The following UGT1A9 variants were observed in gnomAD, a reference collection of about 807,000 sequenced individuals.
UGT1A9 encodes UDP glucuronosyltransferase family 1 member A9.
In UGT1A9, 35 loss-of-function variants were observed where a neutral mutation model predicts 45.0. The ratio of observed to expected loss-of-function variants is 0.78; its 90% confidence interval spans 0.59 to 1.03. UGT1A9 has a LOEUF of 1.03. UGT1A9 is among the 50% of genes least tolerant of loss of function. The probability of loss-of-function intolerance (pLI) is 0.00; values close to 1 mark genes in which losing one functional copy is unlikely to be tolerated. For synonymous variants in UGT1A9, 278 were observed against 250.6 expected, an observed-to-expected ratio of 1.11 and a Z score of -1.03; for missense variants, 687 against 666.6, an observed-to-expected ratio of 1.03 and a Z score of -0.34.
chr2:233,711,548 T>C (rs532543764), intron 1 of UGT1A9, among the ~76,000 whole-genome samples: 27 of 152,192 alleles, frequency 1.8e-4, no homozygotes, highest in Non-Finnish European at 3.4e-4. Context: ...CATCCTCCCC[T>C]GGAGAGTTCC....
Position 233,769,407 on chromosome 2 carries a change from G to C in UGT1A9, c.1295+968G>C. The C allele has an allele frequency of 7.8e-7, 1 of 1,286,632 alleles. No individual in the cohort carries two copies. The highest frequency in any genetic ancestry group is 1.1e-6 in the Non-Finnish European group (1 of 907,224). The allele number at this position is 1,286,632 out of a possible 1,614,324, so 79.7% of individuals were successfully genotyped here. ...ATAGATACTGTGTGCATATGTGCGT[G>C]TGCGTTTGTGCATGTGGCTGTGCTC... On this transcript the variant is annotated intron_variant, in intron 4 of 4. Transcript: ENST00000354728. The surrounding 1 kb of genome is among the most constrained non-coding windows in gnomAD (Gnocchi z 4.4).
intron 1 of UGT1A9, chr2:233,689,841 A>C (rs531695215): frequency 2.2e-6 from 1 of 453,890 alleles, no homozygotes; most frequent in African/African-American, 2.0e-5. Flanking sequence ...ACTTTCTTGG[A>C]TATTGTTTTA....
At chr2:233,713,888 G>A in intron 1 of UGT1A9, 1 of 1,613,420 alleles carries the variant, frequency 6.2e-7, no homozygotes, top group Non-Finnish European at 8.5e-7. Context: ...TCCAATCAAT[G>A]TTCCAGGCAA....
At chr2:233,747,932 G>C in intron 1 of UGT1A9, 1 of 1,613,428 alleles carries the variant, frequency 6.2e-7, no homozygotes, top group Non-Finnish European at 8.5e-7. Flanking sequence ...AGCTTTTTCA[G>C]AGGGAGGTGT....
chr2:233,719,252 T>G (rs2076741853), intron 1 of UGT1A9: 2 of 1,614,040 alleles, frequency 1.2e-6, no homozygotes, highest in Non-Finnish European at 1.7e-6. Flanking sequence ...TGAATGCTAC[T>G]TCCTTTGATG....
chr2:233,766,614 C>T (rs1699203096), intron 1 of UGT1A9, among the ~76,000 whole-genome samples: 1 of 152,184 alleles, frequency 6.6e-6, no homozygotes, highest in Non-Finnish European at 1.5e-5. Context: ...CCCTCTTCTA[C>T]CCAGCACTTC....
chr2:233,743,766 C>G (rs750440547), intron 1 of UGT1A9: 10 of 1,367,368 alleles, frequency 7.3e-6, no homozygotes, highest in Non-Finnish European at 9.8e-6. Flanking sequence ...TCGTAGGCCT[C>G]GGCCACCTGC....
rs558234193 is a variant in UGT1A9 at position 233,719,553 on chromosome 2, G to C, written c.855+46764G>C. 7.4e-6 allele frequency: 12 copies of C among 1,613,960 alleles called. No homozygotes were observed. In the South Asian group the frequency reaches 1.2e-4, roughly 16 times the overall value. On this transcript the variant is annotated intron_variant, in intron 1 of 4. Coordinates refer to ENST00000354728, the MANE Select transcript of UGT1A9 (RefSeq NM_021027.3). ...TGAGCTTTTTCAGAGAGAGGTGTCA[G>C]TGGTGGATCTTGTCAGCTATGCATC...
At chr2:233,762,544 T>C (rs755070967) in intron 1 of UGT1A9, among the ~76,000 whole-genome samples, 100 of 152,370 alleles carry the variant, frequency 6.6e-4, no homozygotes, top group Middle Eastern at 6.8e-3. Flanking sequence ...TACCACAGTG[T>C]ATTCTGCTGG....
intron 1 of UGT1A9, chr2:233,718,070 C>G (rs2076625886): frequency 2.9e-6 from 1 of 346,404 alleles, no homozygotes; most frequent in Non-Finnish European, 5.7e-6. Flanking sequence ...TGGGTCCTTG[C>G]TAGGGTTGTC....
chr2:233,706,580 A>T (rs903868789), intron 1 of UGT1A9, among the ~76,000 whole-genome samples: 5 of 152,102 alleles, frequency 3.3e-5, no homozygotes, highest in African/African-American at 1.2e-4. Context: ...AAGAGTGGAG[A>T]TGGGAGGTGG....
chr2:233,712,992 A>T (rs1437373370), intron 1 of UGT1A9: 1 of 1,613,364 alleles, frequency 6.2e-7, no homozygotes, highest in South Asian at 1.1e-5. Flanking sequence ...TTCTGCTGAG[A>T]TGGCCACAGG....
chr2:233,739,520 T>C (rs1227951212), intron 1 of UGT1A9, among the ~76,000 whole-genome samples: 1 of 152,250 alleles, frequency 6.6e-6, no homozygotes, highest in Non-Finnish European at 1.5e-5. Flanking sequence ...AGACATGAAG[T>C]CAAGGGAGAT....
intron 1 of UGT1A9, among the ~76,000 whole-genome samples, chr2:233,756,524 T>C (rs1159004453): frequency 6.6e-6 from 1 of 152,188 alleles, no homozygotes; most frequent in Non-Finnish European, 1.5e-5. Flanking sequence ...GTGCATGTTA[T>C]TCACTTTTCT....
Position 233,729,464 on chromosome 2 carries a change from G to C in UGT1A9, c.856-37570G>C, listed in dbSNP as rs146268573. ...CATTTTCTGAAGAAATTTTTCAGAA[G>C]TATGGCAATGTTGAACAATATGTCT... On this transcript the variant is annotated intron_variant, in intron 1 of 4. Coordinates refer to ENST00000354728, the MANE Select transcript of UGT1A9 (RefSeq NM_021027.3). 178 of 1,614,158 alleles carry C rather than the reference G, an allele frequency of 1.1e-4. 1 individual carries two copies. In the African/African-American group the frequency reaches 2.0e-3, roughly 18 times the overall value.
rs141017445 is a variant in UGT1A9, at chr2:233,674,407, C to T, written c.855+1618C>T. Among the ~76,000 whole-genome samples the T allele has an allele frequency of 2.2e-3, 337 of 152,250 alleles. 2 individuals carry two copies. Among genetic ancestry groups the T allele is most frequent in the African/African-American group, 7.8e-3 (324 of 41,536 alleles). On this transcript the variant is annotated intron_variant, in intron 1 of 4. Transcript: ENST00000354728. Reference sequence around the variant, plus strand: ...TACCCTCCATAAATTATAGTATCCTCCATTAATTGTAGTAACAGGCACCAC... The same window carrying T: ...TACCCTCCATAAATTATAGTATCCTTCATTAATTGTAGTAACAGGCACCAC...
intron 1 of UGT1A9, among the ~76,000 whole-genome samples, chr2:233,703,399 T>G (rs1408103781): frequency 6.6e-6 from 1 of 152,144 alleles, no homozygotes; most frequent in Non-Finnish European, 1.5e-5. Context: ...AATAAACAAT[T>G]TTGGTTTTGT....
At chr2:233,765,388 A>G (rs776122608) in intron 1 of UGT1A9, among the ~76,000 whole-genome samples, 14 of 152,254 alleles carry the variant, frequency 9.2e-5, no homozygotes, top group Non-Finnish European at 1.5e-4. Flanking sequence ...TGGATAAAGA[A>G]AATGTGGTAC....
At chr2:233,684,395 T>C (rs4347832) in intron 1 of UGT1A9, among the ~76,000 whole-genome samples, 59,172 of 151,980 alleles carry the variant, frequency 0.39, 11,716 homozygotes, top group South Asian at 0.45. Context: ...GCACCAGCCA[T>C]CACTCAGGTA....
Sources: allele counts gnomAD v4.1 joint callset (sites outside exome capture counted in the v4.1 genomes callset), GRCh38; gene constraint gnomAD v4.1.1; non-coding constraint Gnocchi (gnomAD v3.1); transcripts MANE v1.5; gene names NCBI Gene and HGNC (gene_info 2026-07-23, HGNC 2026-07-21).